The following NBAS variants were observed in gnomAD, a reference collection of about 807,000 sequenced individuals.
NBAS encodes the protein NBAS subunit of NRZ tethering complex.
In NBAS, 219 loss-of-function variants were observed where a neutral mutation model predicts 302.5. The observed-to-expected ratio is 0.72, with a 90% CI of 0.65 to 0.81. NBAS has a LOEUF of 0.81. Ranked by LOEUF, NBAS falls within the 30% of genes least tolerant of loss-of-function variation. The pLI is 0.00. For synonymous variants in NBAS, 1,118 were observed against 1,021.6 expected, an observed-to-expected ratio of 1.09 and a Z score of -1.80; for missense variants, 2,932 against 2,841.6, an observed-to-expected ratio of 1.03 and a Z score of -0.72.
chr2:15,549,181 T>C (rs930205743), intron 6 of NBAS, among the ~76,000 whole-genome samples: 8 of 152,140 alleles, frequency 5.3e-5, no homozygotes, highest in Non-Finnish European at 1.0e-4. Context: ...TTACAGATAA[T>C]GAAACTGGGG....
Position 15,218,858 on chromosome 2 carries a change from G to C in NBAS, c.6347C>G (p.Ser2116Ter), listed in dbSNP as rs1162185358. 6.2e-7 allele frequency: 1 copy of C among 1,614,154 alleles called. No homozygotes were observed. The highest frequency in any genetic ancestry group is 8.5e-7 in the Non-Finnish European group (1 of 1,180,056). The change falls in exon 48 of 52, where the codon TCA (serine) becomes TGA (stop). Residue 2116 changes from serine to a stop codon, truncating the protein, a stop_gained. Coordinates refer to ENST00000281513, the MANE Select transcript of NBAS (RefSeq NM_015909.4). LOFTEE classifies it high-confidence loss of function. ...RIHVLQILGQSFHLTEEDSKL... is the reference protein window; with the variant it reads ...RIHVLQILGQ ...GCTGTCCTCCTCAGTCAGGTGAAAT[G>C]ATTGCCCCAAAATCTGCAGCACGTG...
chr2:15,355,973 AT>A (rs1673597257), intron 33 of NBAS, among the ~76,000 whole-genome samples: 4 of 152,328 alleles, frequency 2.6e-5, no homozygotes, highest in African/African-American at 9.6e-5. Flanking sequence ...ACAAACTAAT[AT>A]AAAAATTTAA....
At chr2:15,445,546 C>CCTAT (rs2148525547) in intron 21 of NBAS, among the ~76,000 whole-genome samples, 1 of 150,302 alleles carries the variant, frequency 6.7e-6, no homozygotes, top group East Asian at 2.0e-4. Context: ...GGGAGATATA[C>CCTAT]CTAATGCTAG....
the NBAS span, among the ~76,000 whole-genome samples, chr2:14,817,603 GAGA>G: frequency 6.6e-6 from 1 of 152,186 alleles, no homozygotes; most frequent in African/African-American, 2.4e-5. Flanking sequence ...AGGAGGTAGA[GAGA>G]AGGATTCTTG....
chr2:15,321,267 T>C (rs532236330), intron 38 of NBAS, among the ~76,000 whole-genome samples: 355 of 152,286 alleles, frequency 2.3e-3, no homozygotes, highest in African/African-American at 7.6e-3. Context: ...AAGACTTAAA[T>C]GTTAGACCTA....
At chr2:14,945,575 T>A in the NBAS span, among the ~76,000 whole-genome samples, 1 of 152,160 alleles carries the variant, frequency 6.6e-6, no homozygotes. Context: ...CATAAAAATT[T>A]AATGAGATTA....
intron 44 of NBAS, among the ~76,000 whole-genome samples, chr2:15,245,657 G>A (rs912800485): frequency 2.4e-4 from 37 of 152,146 alleles, no homozygotes; most frequent in African/African-American, 6.7e-4. Context: ...ACGGACGGAC[G>A]GACGGATGGA....
At chr2:15,223,881 G>T (rs1242215588) in intron 47 of NBAS, among the ~76,000 whole-genome samples, 1 of 151,738 alleles carries the variant, frequency 6.6e-6, no homozygotes, top group Non-Finnish European at 1.5e-5. Context: ...ATCTCTCATA[G>T]TTTCACTACA....
chr2:15,099,016 A>G, the NBAS span, among the ~76,000 whole-genome samples: 1 of 151,940 alleles, frequency 6.6e-6, no homozygotes, highest in Non-Finnish European at 1.5e-5. Flanking sequence ...TATCTATATC[A>G]AGATTTTAGG....
chr2:15,353,454 T>C, intron 34 of NBAS, 99 bp downstream of exon 34: 1 of 1,420,074 alleles, frequency 7.0e-7, no homozygotes, highest in South Asian at 1.2e-5. Flanking sequence ...TAAATTAAAA[T>C]TCTCATACTA....
chr2:15,004,984 G>A, the NBAS span, among the ~76,000 whole-genome samples: 1 of 152,142 alleles, frequency 6.6e-6, no homozygotes, highest in African/African-American at 2.4e-5. Flanking sequence ...CCAGGAGTGA[G>A]CTTAACACCC....
At chr2:15,420,147 C>T (rs1291631075) in intron 23 of NBAS, among the ~76,000 whole-genome samples, 5 of 152,132 alleles carry the variant, frequency 3.3e-5, no homozygotes, top group Non-Finnish European at 7.3e-5. Context: ...AATTAAGGGA[C>T]AGGCCAAAGA....
chr2:15,045,283 G>A, the NBAS span, among the ~76,000 whole-genome samples: 2 of 152,204 alleles, frequency 1.3e-5, no homozygotes, highest in African/African-American at 4.8e-5. Flanking sequence ...AACAGTGGGA[G>A]AGGAGCTGAC....
At chr2:15,360,134 C>T (rs923291723) in intron 32 of NBAS, among the ~76,000 whole-genome samples, 3 of 151,884 alleles carry the variant, frequency 2.0e-5, no homozygotes, top group Admixed American at 6.6e-5. Context: ...AGGACATTTA[C>T]CATGGATGGA....
the NBAS span, among the ~76,000 whole-genome samples, chr2:14,885,189 G>T: frequency 2.0e-5 from 3 of 152,196 alleles, no homozygotes; most frequent in Non-Finnish European, 4.4e-5. Flanking sequence ...TGACAAGCAT[G>T]GAAGCTCCAG....
At chr2:15,415,129 G>A (rs1273708867) in intron 25 of NBAS, among the ~76,000 whole-genome samples, 2 of 152,136 alleles carry the variant, frequency 1.3e-5, no homozygotes, top group African/African-American at 4.8e-5. Flanking sequence ...TCTACTTACT[G>A]TGCAACCCTG....
chr2:15,164,092 C>T (rs990437373), downstream of NBAS, among the ~76,000 whole-genome samples: 3 of 152,302 alleles, frequency 2.0e-5, no homozygotes, highest in South Asian at 2.1e-4. Context: ...CCTCTATGCC[C>T]GGCCCGGTAC....
chr2:14,789,151 A>G, the NBAS span, among the ~76,000 whole-genome samples: 1 of 152,134 alleles, frequency 6.6e-6, no homozygotes, highest in African/African-American at 2.4e-5. Context: ...GCGGGATATA[A>G]TCTCCTGGTG....
Position 15,303,969 on chromosome 2 carries a change from C to T in NBAS, c.4797+4247G>A, listed in dbSNP as rs537979793. Among the ~76,000 whole-genome samples the T allele has an allele frequency of 1.8e-4, 27 of 152,276 alleles. 1 individual carries two copies. The highest frequency in any genetic ancestry group is 6.5e-4 in the African/African-American group (27 of 41,556). ...AGAGCAAGCAGCAAGGTCTTGAGGT[C>T]CAGCATCATGCCATAGTCATCTTCC... On this transcript the variant is annotated intron_variant, in intron 40 of 51. Coordinates refer to ENST00000281513, the MANE Select transcript of NBAS (RefSeq NM_015909.4).
Sources: gnomAD v4.1 joint callset for allele counts (sites outside exome capture counted in the v4.1 genomes callset) on GRCh38, gnomAD v4.1.1 for gene constraint, MANE v1.5 for transcripts, NCBI Gene and HGNC (gene_info 2026-07-23, HGNC 2026-07-21) for gene names.